The following TBX15 variants were observed in gnomAD, a reference collection of about 807,000 sequenced individuals.
The protein encoded by TBX15 is T-box transcription factor 15, also known as T-box transcription factor TBX15.
A neutral mutation model predicts 53.9 loss-of-function variants in TBX15; 18 were observed. That is an observed-to-expected ratio of 0.33 (90% CI 0.23 to 0.49). TBX15 has a LOEUF of 0.49. Ranked by LOEUF, TBX15 falls within the 20% of genes least tolerant of loss-of-function variation. The probability of loss-of-function intolerance (pLI) is 0.98; values close to 1 mark genes in which losing one functional copy is unlikely to be tolerated. For missense variants in TBX15, 692 were observed against 749.5 expected, an observed-to-expected ratio of 0.92 and a Z score of 0.90; for synonymous variants, 295 against 278.0, an observed-to-expected ratio of 1.06 and a Z score of -0.61.
chr1:118,956,580 T>C (rs1656695619), intron 1 of TBX15, among the ~76,000 whole-genome samples: 1 of 152,172 alleles, frequency 6.6e-6, no homozygotes, highest in South Asian at 2.1e-4. Context: ...GTTTAATCAT[T>C]TTGGAAAATC....
At chr1:118,911,819 G>C (rs1655037047) in intron 6 of TBX15, among the ~76,000 whole-genome samples, 1 of 152,122 alleles carries the variant, frequency 6.6e-6, no homozygotes, top group South Asian at 2.1e-4. Flanking sequence ...TGTTTCTACT[G>C]CCCAGAGTGC....
chr1:118,938,963 G>A (rs1003732473), intron 1 of TBX15, among the ~76,000 whole-genome samples: 2 of 152,090 alleles, frequency 1.3e-5, no homozygotes, highest in African/African-American at 4.8e-5. Context: ...CAAAGATATG[G>A]CATCAACCCA....
intron 6 of TBX15, 113 bp downstream of exon 6, chr1:118,914,001 CA>C (rs1655108342): frequency 2.0e-6 from 2 of 1,013,070 alleles, no homozygotes; most frequent in Admixed American, 1.8e-5. Flanking sequence ...GAAGTGTACA[CA>C]GTGGCGGAGC....
At chr1:118,969,278 G>A (rs1398324373) in intron 1 of TBX15, among the ~76,000 whole-genome samples, 1 of 152,180 alleles carries the variant, frequency 6.6e-6, no homozygotes, top group Admixed American at 6.5e-5. Flanking sequence ...CAAACTGTGT[G>A]ATTATTATAG....
chr1:118,977,572 G>C (rs1657477434), intron 1 of TBX15, among the ~76,000 whole-genome samples: 1 of 152,196 alleles, frequency 6.6e-6, no homozygotes. Context: ...GGGCTGTGCA[G>C]AATGTGGACA....
chr1:118,962,270 T>C (rs1456593480), intron 1 of TBX15, among the ~76,000 whole-genome samples: 3 of 152,188 alleles, frequency 2.0e-5, no homozygotes, highest in African/African-American at 7.2e-5. Flanking sequence ...AAATAAAAAA[T>C]TGACTATCGC....
intron 1 of TBX15, among the ~76,000 whole-genome samples, chr1:118,943,060 C>A (rs566734880): frequency 2.0e-5 from 3 of 152,260 alleles, no homozygotes; most frequent in Admixed American, 6.5e-5. Context: ...GCTGCTTAAC[C>A]TTTCTGAGCC....
intron 1 of TBX15, among the ~76,000 whole-genome samples, chr1:118,939,965 A>T (rs759786237): frequency 2.4e-4 from 37 of 151,912 alleles, no homozygotes; most frequent in Non-Finnish European, 4.6e-4. Context: ...CATGAATAAA[A>T]GGCTTGTCTC....
intron 1 of TBX15, among the ~76,000 whole-genome samples, chr1:118,959,090 C>T (rs920172452): frequency 6.7e-6 from 1 of 148,782 alleles, no homozygotes; most frequent in Non-Finnish European, 1.5e-5. Flanking sequence ...ACTCTGGTAA[C>T]ATTCCTTGAG....
intron 1 of TBX15, among the ~76,000 whole-genome samples, chr1:118,966,723 A>T (rs1657044901): frequency 6.6e-6 from 1 of 152,192 alleles, no homozygotes; most frequent in Admixed American, 6.5e-5. Flanking sequence ...AGCTGTCTTC[A>T]TTTGCTTTCC....
chr1:118,914,204 A>G, intron 5 of TBX15, 25 bp from the exon 6 acceptor site: 1 of 1,603,876 alleles, frequency 6.2e-7, no homozygotes, highest in Non-Finnish European at 8.5e-7. Context: ...ATAAGTATGA[A>G]TTGCTTTTAT....
At chr1:118,934,073 G>A (rs1655887910) in intron 1 of TBX15, among the ~76,000 whole-genome samples, 1 of 152,140 alleles carries the variant, frequency 6.6e-6, no homozygotes, top group Non-Finnish European at 1.5e-5. Flanking sequence ...TGAAATAAGA[G>A]ACTCTACCCT....
At chr1:118,963,599 TG>T (rs1281655861) in intron 1 of TBX15, among the ~76,000 whole-genome samples, 1 of 152,198 alleles carries the variant, frequency 6.6e-6, no homozygotes, top group East Asian at 1.9e-4. Flanking sequence ...GGAAGCCATG[TG>T]TTGAGATGGT....
At chr1:118,930,553 T>C (rs1655745468) in intron 2 of TBX15, among the ~76,000 whole-genome samples, 1 of 152,126 alleles carries the variant, frequency 6.6e-6, no homozygotes, top group South Asian at 2.1e-4. Context: ...GTGGCAGGGA[T>C]TACAGGCACC....
At chr1:118,927,685 A>T (rs1655644996) in intron 2 of TBX15, among the ~76,000 whole-genome samples, 1 of 152,238 alleles carries the variant, frequency 6.6e-6, no homozygotes, top group Admixed American at 6.5e-5. Context: ...TGAGGTCAGG[A>T]TATAGCACTT....
At chr1:118,895,784 C>T (rs1571152871) in intron 7 of TBX15, among the ~76,000 whole-genome samples, 1 of 152,236 alleles carries the variant, frequency 6.6e-6, no homozygotes, top group East Asian at 1.9e-4. Flanking sequence ...AGAGTTAATG[C>T]TCAAGTTGTT....
At chr1:118,968,126 C>G (rs751752537) in intron 1 of TBX15, among the ~76,000 whole-genome samples, 23 of 152,308 alleles carry the variant, frequency 1.5e-4, no homozygotes, top group Non-Finnish European at 3.2e-4. Flanking sequence ...ACTTGTCAGT[C>G]TTTTTCTCCT....
At chr1:118,976,599 G>A (rs1202610572) in intron 1 of TBX15, among the ~76,000 whole-genome samples, 1 of 152,198 alleles carries the variant, frequency 6.6e-6, no homozygotes, top group Non-Finnish European at 1.5e-5. Flanking sequence ...TCCTGGGGAA[G>A]TTGGTAAGGC....
At chr1:118,928,766 GGAACCATTATAT>G (rs1655684873) in intron 2 of TBX15, among the ~76,000 whole-genome samples, 1 of 152,126 alleles carries the variant, frequency 6.6e-6, no homozygotes, top group Non-Finnish European at 1.5e-5. Flanking sequence ...TGTTCTGTCT[GGAACCATTATAT>G]GACCTTTAAT....
Sources: allele counts gnomAD v4.1 joint callset (sites outside exome capture counted in the v4.1 genomes callset), GRCh38; gene constraint gnomAD v4.1.1; transcripts MANE v1.5; gene names NCBI Gene and HGNC (gene_info 2026-07-23, HGNC 2026-07-21).